Variants in FAF1 observed in about 807,000 individuals in gnomAD.
FAF1 encodes the protein FAS-associated factor 1.
FAF1 carries 25 observed loss-of-function variants against 92.5 expected under a neutral mutation model. The ratio of observed to expected loss-of-function variants is 0.27; its 90% CI spans 0.20 to 0.38. The LOEUF (loss-of-function observed/expected upper bound fraction) is 0.38, where lower values mean the gene tolerates loss of function less well. FAF1 is among the 10% of genes least tolerant of loss of function. FAF1 has a pLI of 1.00. For missense variants in FAF1, 636 were observed against 793.3 expected (o/e 0.80, Z 2.38); for synonymous variants, 234 against 273.2 (o/e 0.86, Z 1.42).
intron 1 of FAF1, among the ~76,000 whole-genome samples, chr1:50,901,840 G>A (rs1035140734): frequency 6.6e-6 from 1 of 152,132 alleles, no homozygotes; most frequent in African/African-American, 2.4e-5. Flanking sequence ...ACTCCAACCT[G>A]AGCAACAGAG....
At chr1:50,771,010 C>T (rs1209602016) in intron 4 of FAF1, among the ~76,000 whole-genome samples, 1 of 152,140 alleles carries the variant, frequency 6.6e-6, no homozygotes, top group Admixed American at 6.6e-5. Context: ...GGAAAGGCTC[C>T]CTATTCAATA....
intron 1 of FAF1, among the ~76,000 whole-genome samples, chr1:50,948,012 G>T (rs957484606): frequency 2.6e-5 from 4 of 152,004 alleles, no homozygotes; most frequent in Non-Finnish European, 4.4e-5. Flanking sequence ...GTACGAGAAA[G>T]AAACATGTAA....
chr1:50,866,450 C>A (rs948222216), intron 1 of FAF1, among the ~76,000 whole-genome samples: 1 of 152,058 alleles, frequency 6.6e-6, no homozygotes, highest in Admixed American at 6.6e-5. Context: ...ACTAAAGACT[C>A]ATCCAAAAAG....
chr1:50,892,674 T>C (rs1282006031), intron 1 of FAF1, among the ~76,000 whole-genome samples: 3 of 152,240 alleles, frequency 2.0e-5, no homozygotes, highest in Non-Finnish European at 4.4e-5. Flanking sequence ...AGTCTTTCAG[T>C]TGAATCAGCT....
intron 1 of FAF1, among the ~76,000 whole-genome samples, chr1:50,934,854 T>C (rs1166457558): frequency 6.6e-6 from 1 of 152,248 alleles, no homozygotes; most frequent in Non-Finnish European, 1.5e-5. Flanking sequence ...CATTATCCTC[T>C]GTATTCCACT....
At chr1:50,617,393 C>G (rs1652967360) in intron 8 of FAF1, among the ~76,000 whole-genome samples, 1 of 152,154 alleles carries the variant, frequency 6.6e-6, no homozygotes, top group Admixed American at 6.5e-5. Context: ...TTTACTGCGT[C>G]TATTGAGATG....
intron 2 of FAF1, 144 bp from the exon 3 acceptor site, chr1:50,801,821 C>G: frequency 1.8e-6 from 1 of 551,976 alleles, no homozygotes; most frequent in South Asian, 2.7e-5. Flanking sequence ...AAAATGTTGT[C>G]TATTAAATGT....
chr1:50,596,273 G>T, intron 8 of FAF1, 57 bp from the exon 9 acceptor site: 1 of 1,294,654 alleles, frequency 7.7e-7, no homozygotes, highest in South Asian at 1.2e-5. Flanking sequence ...TTCACAAAAG[G>T]ATTTGACTTT....
At chr1:50,859,188 C>A (rs2124667625) in intron 1 of FAF1, among the ~76,000 whole-genome samples, 1 of 151,916 alleles carries the variant, frequency 6.6e-6, no homozygotes, top group South Asian at 2.1e-4. Context: ...AAGCATTCCT[C>A]TTGAGAACTG....
chr1:50,616,243 T>C (rs1013716823), intron 8 of FAF1, among the ~76,000 whole-genome samples: 3 of 152,224 alleles, frequency 2.0e-5, no homozygotes, highest in African/African-American at 7.2e-5. Flanking sequence ...ACCATGCTAT[T>C]TTGGTTACTG....
chr1:50,543,138 T>C lies in FAF1; in HGVS notation c.1269-3410A>G, dbSNP rs999337256. 3.3e-5 allele frequency among the ~76,000 whole-genome samples: 5 copies of C among 152,202 alleles called. No homozygotes were observed. In the East Asian group the frequency reaches 7.7e-4, roughly 23 times the overall value. On this transcript the variant is annotated intron_variant, in intron 13 of 18. Transcript: ENST00000396153. ...TCTTGTTAACGGAAACCAGGATTACTAATAAATCAGATATGGCAAAAAGTA... is the reference window on the plus strand; with the variant it reads ...TCTTGTTAACGGAAACCAGGATTACCAATAAATCAGATATGGCAAAAAGTA...
At chr1:50,624,979 G>A (rs1177436583) in intron 8 of FAF1, among the ~76,000 whole-genome samples, 2 of 142,900 alleles carry the variant, frequency 1.4e-5, no homozygotes, top group Admixed American at 7.5e-5. Flanking sequence ...TCGGCTCACT[G>A]AACCCTCCGC....
At chr1:50,869,534 G>C (rs1405898859) in intron 1 of FAF1, among the ~76,000 whole-genome samples, 4 of 152,018 alleles carry the variant, frequency 2.6e-5, no homozygotes, top group Admixed American at 2.0e-4. Flanking sequence ...TTATTCATTT[G>C]AATATTATCT....
intron 6 of FAF1, among the ~76,000 whole-genome samples, chr1:50,737,061 C>T (rs1173732001): frequency 1.3e-5 from 2 of 152,076 alleles, no homozygotes; most frequent in Admixed American, 6.6e-5. Flanking sequence ...TCCATTTGTC[C>T]CTCCTCCCAC....
intron 15 of FAF1, among the ~76,000 whole-genome samples, chr1:50,519,990 A>G (rs1475911356): frequency 1.3e-5 from 2 of 152,178 alleles, no homozygotes; most frequent in African/African-American, 2.4e-5. Flanking sequence ...CATCATCCAT[A>G]TATCTCCTGG....
At chr1:50,822,746 TTTTCTTTCTTTC>T (rs758301200) in intron 2 of FAF1, among the ~76,000 whole-genome samples, 9 of 144,288 alleles carry the variant, frequency 6.2e-5, no homozygotes, top group African/African-American at 1.6e-4. Flanking sequence ...TTTTGGTGTT[TTTTCTTTCTTTC>T]TTTCTTTCTT....
chr1:50,614,531 A>G (rs553191702), intron 8 of FAF1, among the ~76,000 whole-genome samples: 1 of 151,282 alleles, frequency 6.6e-6, no homozygotes, highest in Non-Finnish European at 1.5e-5. Context: ...AATATTAGAA[A>G]TCTTCCTTTA....
intron 4 of FAF1, among the ~76,000 whole-genome samples, chr1:50,767,184 T>C (rs1660607465): frequency 6.6e-6 from 1 of 152,156 alleles, no homozygotes; most frequent in African/African-American, 2.4e-5. Context: ...CAATCCAGTA[T>C]TAACATCAGA....
intron 18 of FAF1, among the ~76,000 whole-genome samples, chr1:50,472,320 T>C (rs1419672510): frequency 6.6e-6 from 1 of 150,694 alleles, no homozygotes; most frequent in Admixed American, 6.6e-5. Context: ...TGGAAATAAA[T>C]ACTATTCCTT....
Sources: gnomAD v4.1 joint callset for allele counts (sites outside exome capture counted in the v4.1 genomes callset) on GRCh38, gnomAD v4.1.1 for gene constraint, MANE v1.5 for transcripts, NCBI Gene and HGNC (gene_info 2026-07-23, HGNC 2026-07-21) for gene names.